Variants in WWOX observed in about 807,000 individuals in gnomAD.
WWOX encodes WW domain containing oxidoreductase, also known as WW domain-containing oxidoreductase.
In WWOX, 69 loss-of-function variants were observed where a neutral mutation model predicts 46.2. That is an observed-to-expected ratio of 1.49 (90% CI 1.23 to 1.82). WWOX has a LOEUF of 1.82. Among genes scored for constraint, WWOX ranks in the 40% most tolerant of loss-of-function variants. The pLI is 0.00. For missense variants in WWOX, 919 were observed against 542.6 expected, an observed-to-expected ratio of 1.69 and a Z score of -6.89; for synonymous variants, 359 against 202.6, an observed-to-expected ratio of 1.77 and a Z score of -6.56.
chr16:78,583,634 T>C (rs2045118403), intron 8 of WWOX, among the ~76,000 whole-genome samples: 1 of 152,148 alleles, frequency 6.6e-6, no homozygotes, highest in African/African-American at 2.4e-5. Context: ...GATAACATAA[T>C]GATAATGCAG....
intron 7 of WWOX, among the ~76,000 whole-genome samples, chr16:78,426,657 A>G (rs1261009400): frequency 6.6e-6 from 1 of 151,850 alleles, no homozygotes; most frequent in Non-Finnish European, 1.5e-5. Context: ...GCACATCGTT[A>G]TTTATTATTA....
intron 8 of WWOX, among the ~76,000 whole-genome samples, chr16:79,045,767 CTTTTTTCTTTTCCTTTTTT>C (rs2048052683): frequency 2.0e-5 from 2 of 100,000 alleles, no homozygotes; most frequent in South Asian, 3.4e-4. Flanking sequence ...CTCGTCTTTC[CTTTTTTCTTTTCCTTTTTT>C]TTTTTTTTTT....
chr16:78,644,000 A>G (rs958196406), intron 8 of WWOX, among the ~76,000 whole-genome samples: 4 of 152,308 alleles, frequency 2.6e-5, no homozygotes, highest in Admixed American at 2.0e-4. Flanking sequence ...AGATGGGCAG[A>G]TCACGTGAGG....
chr16:78,224,089 C>T (rs113057365), intron 5 of WWOX, among the ~76,000 whole-genome samples: 7,692 of 152,130 alleles, frequency 0.051, 610 homozygotes, highest in African/African-American at 0.17. Context: ...TTGCAAGCTC[C>T]GTCTCCTGGG....
intron 5 of WWOX, among the ~76,000 whole-genome samples, chr16:78,174,816 C>T (rs760788738): frequency 1.3e-5 from 2 of 151,900 alleles, no homozygotes; most frequent in African/African-American, 4.8e-5. Flanking sequence ...GGTGAAACCC[C>T]GTCTCTACTG....
intron 4 of WWOX, among the ~76,000 whole-genome samples, chr16:78,148,596 G>A (rs973415721): frequency 4.0e-5 from 6 of 151,798 alleles, no homozygotes; most frequent in Admixed American, 2.6e-4. Flanking sequence ...TCTCAGACAA[G>A]TTTATAAAAG....
chr16:79,047,408 G>C (rs1184683254), intron 8 of WWOX, among the ~76,000 whole-genome samples: 1 of 152,172 alleles, frequency 6.6e-6, no homozygotes, highest in Admixed American at 6.5e-5. Context: ...TGATCCATTG[G>C]TTAATTGATT....
At chr16:78,806,292 T>G (rs2051035822) in intron 8 of WWOX, among the ~76,000 whole-genome samples, 1 of 152,206 alleles carries the variant, frequency 6.6e-6, no homozygotes, top group Non-Finnish European at 1.5e-5. Context: ...AATTGAAGCA[T>G]TTCCCTATTC....
chr16:78,650,506 C>T (rs2046943171), intron 8 of WWOX, among the ~76,000 whole-genome samples: 1 of 152,180 alleles, frequency 6.6e-6, no homozygotes, highest in Admixed American at 6.5e-5. Flanking sequence ...CCCTGTGACT[C>T]AACCCAAATC....
intron 8 of WWOX, among the ~76,000 whole-genome samples, chr16:78,771,911 A>G (rs1403894690): frequency 2.0e-5 from 3 of 152,256 alleles, no homozygotes; most frequent in Non-Finnish European, 4.4e-5. Context: ...CATACATTGT[A>G]CTACAATAAA....
At chr16:78,515,197 C>G (rs1245584274) in intron 8 of WWOX, among the ~76,000 whole-genome samples, 1 of 152,126 alleles carries the variant, frequency 6.6e-6, no homozygotes, top group African/African-American at 2.4e-5. Flanking sequence ...GCACTCCAGC[C>G]TAGGCGACAG....
chr16:78,490,689 C>G (rs958583607), intron 8 of WWOX, among the ~76,000 whole-genome samples: 1 of 152,130 alleles, frequency 6.6e-6, no homozygotes, highest in African/African-American at 2.4e-5. Flanking sequence ...ACCATTTGGC[C>G]CTCAGTTCTC....
chr16:78,412,433 G>A (rs2082703198), intron 6 of WWOX, among the ~76,000 whole-genome samples: 3 of 152,212 alleles, frequency 2.0e-5, no homozygotes. Context: ...CTAAGGGTTT[G>A]AAGTCTTCAT....
intron 8 of WWOX, among the ~76,000 whole-genome samples, chr16:78,856,810 T>TA (rs1284744706): frequency 6.6e-6 from 1 of 152,196 alleles, no homozygotes; most frequent in Non-Finnish European, 1.5e-5. Context: ...CATCATTGCT[T>TA]AGAGAGGAGG....
chr16:78,927,362 G>C (rs1236014782), intron 8 of WWOX, among the ~76,000 whole-genome samples: 1 of 152,154 alleles, frequency 6.6e-6, no homozygotes, highest in Non-Finnish European at 1.5e-5. Context: ...TTGAGTTTTG[G>C]TGTAAGTATT....
intron 8 of WWOX, among the ~76,000 whole-genome samples, chr16:78,816,160 C>T (rs1237704447): frequency 6.6e-6 from 1 of 152,162 alleles, no homozygotes; most frequent in Non-Finnish European, 1.5e-5. Context: ...TAAACTAAAT[C>T]CCTAACTGGA....
intron 8 of WWOX, among the ~76,000 whole-genome samples, chr16:79,118,350 G>A (rs1475263564): frequency 6.6e-6 from 1 of 152,090 alleles, no homozygotes; most frequent in Non-Finnish European, 1.5e-5. Context: ...TGCAGTTTGT[G>A]GTGCCCCAAA....
At chr16:78,601,957 A>G (rs897251476) in intron 8 of WWOX, among the ~76,000 whole-genome samples, 1 of 152,156 alleles carries the variant, frequency 6.6e-6, no homozygotes, top group African/African-American at 2.4e-5. Flanking sequence ...TGCTTTGGTA[A>G]TAGTGCAGTG....
chr16:78,393,609 T>G (rs149925291), intron 6 of WWOX, among the ~76,000 whole-genome samples: 135 of 152,360 alleles, frequency 8.9e-4, no homozygotes, highest in African/African-American at 3.0e-3. Context: ...AGATATTTAT[T>G]ACTTAGATTG....
Sources: gnomAD v4.1 joint callset for allele counts (sites outside exome capture counted in the v4.1 genomes callset) on GRCh38, gnomAD v4.1.1 for gene constraint, MANE v1.5 for transcripts, NCBI Gene and HGNC (gene_info 2026-07-23, HGNC 2026-07-21) for gene names.